The following EYA1 variants were observed in gnomAD, a reference collection of about 807,000 sequenced individuals.
The protein encoded by EYA1 is EYA transcriptional coactivator and phosphatase 1.
In EYA1, 16 loss-of-function variants were observed where a neutral mutation model predicts 82.0. That is an observed-to-expected ratio of 0.20 (90% CI 0.13 to 0.30). The LOEUF is 0.30. Ranked by LOEUF, EYA1 falls within the 10% of genes least tolerant of loss-of-function variation. The probability of loss-of-function intolerance (pLI) is 1.00; values close to 1 mark genes in which losing one functional copy is unlikely to be tolerated. For synonymous variants in EYA1, 261 were observed against 264.4 expected (o/e 0.99, Z 0.12); for missense variants, 633 against 730.7 (o/e 0.87, Z 1.54).
intron 2 of EYA1, among the ~76,000 whole-genome samples, chr8:71,392,365 G>A (rs1368825700): frequency 2.0e-5 from 3 of 152,140 alleles, no homozygotes; most frequent in African/African-American, 7.2e-5. Flanking sequence ...ACAGCGCTGT[G>A]ACTAGAGACC....
At chr8:71,379,407 T>A (rs1828565256) in intron 2 of EYA1, among the ~76,000 whole-genome samples, 1 of 151,856 alleles carries the variant, frequency 6.6e-6, no homozygotes, top group Admixed American at 6.6e-5. Flanking sequence ...GGGAGAGGGA[T>A]GAGCAAAGGT....
intron 2 of EYA1, among the ~76,000 whole-genome samples, chr8:71,532,430 G>T (rs569356468): frequency 6.6e-6 from 1 of 152,116 alleles, no homozygotes; most frequent in Non-Finnish European, 1.5e-5. Context: ...AAGAGGCATC[G>T]CCACCTTCTC....
At chr8:71,546,508 C>CTTTT (rs1448595609) in intron 1 of EYA1, among the ~76,000 whole-genome samples, 1 of 135,832 alleles carries the variant, frequency 7.4e-6, no homozygotes, top group African/African-American at 3.0e-5. Flanking sequence ...TCTACTGATT[C>CTTTT]TTATTTTTTT....
At chr8:71,473,401 A>T (rs1386390495) in intron 2 of EYA1, among the ~76,000 whole-genome samples, 1 of 151,998 alleles carries the variant, frequency 6.6e-6, no homozygotes, top group Non-Finnish European at 1.5e-5. Context: ...ATATGAACAG[A>T]CACTTCTCAA....
At chr8:71,525,765 G>A (rs1447621230) in intron 2 of EYA1, among the ~76,000 whole-genome samples, 1 of 152,088 alleles carries the variant, frequency 6.6e-6, no homozygotes. Context: ...CTTGATCCTG[G>A]CCTGTTTCCA....
At chr8:71,301,326 T>C (rs1820176216) in intron 7 of EYA1, among the ~76,000 whole-genome samples, 1 of 152,204 alleles carries the variant, frequency 6.6e-6, no homozygotes, top group African/African-American at 2.4e-5. Flanking sequence ...TTTGCAGTGT[T>C]CCTAACAGAT....
At chr8:71,416,521 G>C (rs1445849200) in intron 2 of EYA1, among the ~76,000 whole-genome samples, 1 of 152,186 alleles carries the variant, frequency 6.6e-6, no homozygotes, top group Non-Finnish European at 1.5e-5. Context: ...GGAAAAAAAT[G>C]AAAGATAGCA....
intron 2 of EYA1, among the ~76,000 whole-genome samples, chr8:71,355,236 T>C (rs576323176): frequency 2.6e-5 from 4 of 152,352 alleles, no homozygotes; most frequent in South Asian, 2.1e-4. Flanking sequence ...AATACAGTCA[T>C]CGTTGTCTTT....
At chr8:71,334,592 C>G (rs909592432) in intron 3 of EYA1, among the ~76,000 whole-genome samples, 3 of 152,052 alleles carry the variant, frequency 2.0e-5, no homozygotes, top group African/African-American at 4.8e-5. Flanking sequence ...AAGTGGGTGT[C>G]GACACCAGCA....
intron 4 of EYA1, among the ~76,000 whole-genome samples, chr8:71,324,931 G>A (rs561458707): frequency 1.2e-4 from 18 of 152,148 alleles, no homozygotes; most frequent in Non-Finnish European, 2.4e-4. Flanking sequence ...CAGTTACAGA[G>A]CCACTGTCCC....
intron 2 of EYA1, among the ~76,000 whole-genome samples, chr8:71,369,849 T>C (rs1827980957): frequency 6.6e-6 from 1 of 152,192 alleles, no homozygotes; most frequent in South Asian, 2.1e-4. Flanking sequence ...TTGAAAACTT[T>C]AAAGCTGGAC....
At chr8:71,271,648 A>G (rs1816545493) in intron 10 of EYA1, 110 bp downstream of exon 10, 1 of 1,175,016 alleles carries the variant, frequency 8.5e-7, no homozygotes, top group Non-Finnish European at 1.3e-6. Flanking sequence ...GAAAGCAGTA[A>G]CAAAAGCATC....
At chr8:71,506,451 A>G (rs1322249112) in intron 2 of EYA1, among the ~76,000 whole-genome samples, 1 of 152,174 alleles carries the variant, frequency 6.6e-6, no homozygotes, top group African/African-American at 2.4e-5. Context: ...ATGATGCATG[A>G]TGTGTATCTT....
At chr8:71,497,066 A>G (rs1224702062) in intron 2 of EYA1, among the ~76,000 whole-genome samples, 1 of 152,198 alleles carries the variant, frequency 6.6e-6, no homozygotes, top group Non-Finnish European at 1.5e-5. Context: ...TGAAGAGACA[A>G]TCAAGAAAAT....
intron 2 of EYA1, among the ~76,000 whole-genome samples, chr8:71,427,680 GA>G (rs1405329165): frequency 6.6e-6 from 1 of 151,910 alleles, no homozygotes; most frequent in Non-Finnish European, 1.5e-5. Context: ...CATATATGCT[GA>G]AAAACAAAAA....
At chr8:71,375,430 T>C (rs1170500014) in intron 2 of EYA1, among the ~76,000 whole-genome samples, 3 of 152,072 alleles carry the variant, frequency 2.0e-5, no homozygotes, top group Non-Finnish European at 2.9e-5. Flanking sequence ...TGTGTGTGAA[T>C]GTGTTGGGGG....
chr8:71,215,908 A>G (rs925470224), intron 14 of EYA1, among the ~76,000 whole-genome samples, 180 bp from the exon 15 acceptor site: 1 of 152,222 alleles, frequency 6.6e-6, no homozygotes, highest in African/African-American at 2.4e-5. Context: ...TACAGAAGTC[A>G]TCTCTTTTTA....
chr8:71,323,336 G>A (rs573193683), intron 4 of EYA1, among the ~76,000 whole-genome samples: 10 of 151,916 alleles, frequency 6.6e-5, no homozygotes, highest in East Asian at 3.9e-4. Context: ...TACTATCTTC[G>A]GAGGCTCTAT....
chr8:71,523,109 A>T (rs1490961866), intron 2 of EYA1, among the ~76,000 whole-genome samples: 2 of 151,540 alleles, frequency 1.3e-5, no homozygotes, highest in Non-Finnish European at 2.9e-5. Flanking sequence ...ACATTACAAG[A>T]ATTTCGGGCC....
Sources: gnomAD v4.1 joint callset for allele counts (sites outside exome capture counted in the v4.1 genomes callset) on GRCh38, gnomAD v4.1.1 for gene constraint, MANE v1.5 for transcripts, NCBI Gene and HGNC (gene_info 2026-07-23, HGNC 2026-07-21) for gene names.